Variants in MYO15B observed in about 807,000 individuals in gnomAD.
MYO15B encodes myosin XVB.
In MYO15B, 207 loss-of-function variants were observed where a neutral mutation model predicts 119.3. The observed-to-expected ratio is 1.73, with a 90% CI of 1.55 to 1.95. MYO15B has a LOEUF of 1.95. Ranked by LOEUF, MYO15B falls within the 30% of genes most tolerant of loss-of-function variation. The pLI, the probability that MYO15B is intolerant of heterozygous loss-of-function variation, is 0.00. For synonymous variants in MYO15B, 966 were observed against 498.9 expected (o/e 1.94, Z -12.48); for missense variants, 2,264 against 1,203.1 (o/e 1.88, Z -13.04).
At chr17:75,592,292 G>C in exon 7 of MYO15B, 1 of 702,896 alleles carries the variant, frequency 1.4e-6, no homozygotes, top group Non-Finnish European at 2.6e-6. Flanking sequence ...CCTCCAGGGT[G>C]GTGTTTCAGG....
chr17:75,607,083 A>G, intron 21 of MYO15B: 1 of 397,262 alleles, frequency 2.5e-6, no homozygotes, highest in Non-Finnish European at 4.4e-6. Context: ...GCAGCCAGTG[A>G]TCTTCCCAGA....
At chr17:75,596,970 G>C (rs1451854392) in intron 14 of MYO15B, 71 bp downstream of exon 14, 2 of 629,362 alleles carry the variant, frequency 3.2e-6, no homozygotes, top group Non-Finnish European at 5.7e-6. Flanking sequence ...CCAGGCTGTA[G>C]CTGGCAGAGC....
chr17:75,625,285 G>A (rs1451254263), intron 60 of MYO15B, 47 bp downstream of exon 60: 6 of 665,320 alleles, frequency 9.0e-6, no homozygotes, highest in Middle Eastern at 2.4e-4. Context: ...CTTCTCTAAG[G>A]TCAAGGCCAT....
At chr17:75,616,097 C>T (rs757174852) in exon 37 of MYO15B, 10 of 574,710 alleles carry the variant, frequency 1.7e-5, no homozygotes, top group South Asian at 4.5e-5. Context: ...GAAGACAGGC[C>T]CTATCAGCCC....
intron 53 of MYO15B, among the ~76,000 whole-genome samples, chr17:75,623,448 A>G (rs1314063584): frequency 6.6e-6 from 1 of 151,948 alleles, no homozygotes; most frequent in Admixed American, 6.6e-5. Flanking sequence ...TGGCCAACGT[A>G]GTGAAACCCC....
At chr17:75,617,915 G>C in exon 42 of MYO15B, 1 of 702,794 alleles carries the variant, frequency 1.4e-6, no homozygotes. Context: ...TTGTTCCTAC[G>C]CAAGGAGGTG....
At chr17:75,611,217 A>C (rs975226236) in intron 23 of MYO15B, among the ~76,000 whole-genome samples, 33 of 152,038 alleles carry the variant, frequency 2.2e-4, no homozygotes, top group Admixed American at 2.0e-4. Flanking sequence ...TAATCCCAGC[A>C]CTTTGAGGTC....
intron 9 of MYO15B, 71 bp from the exon 10 acceptor site, chr17:75,594,404 C>T (rs537149086): frequency 9.9e-5 from 56 of 568,154 alleles, no homozygotes; most frequent in African/African-American, 8.4e-4. Flanking sequence ...AGGCAAAGCC[C>T]GGCCTGCCCT....
chr17:75,605,365 A>T, intron 19 of MYO15B, 139 bp from the exon 20 acceptor site: 1 of 591,360 alleles, frequency 1.7e-6, no homozygotes, highest in Non-Finnish European at 3.0e-6. Context: ...TGAACCCGGG[A>T]GGCGGAGCTT....
At chr17:75,617,745 C>T (rs890859938) in intron 41 of MYO15B, 65 bp from the exon 42 acceptor site, 17 of 657,396 alleles carry the variant, frequency 2.6e-5, no homozygotes, top group Middle Eastern at 2.4e-4. Context: ...TCTTCCCTCC[C>T]GTGCCCCCAT....
At position 75,589,067 on chromosome 17, in the gene MYO15B, TC is replaced by T. The variant is rs1013673327; in HGVS notation, c.1012del (p.Leu338TrpfsTer31). 2.5e-6 allele frequency: 1 copy of T among 395,292 alleles called. No homozygotes were observed. The highest frequency in any genetic ancestry group is 2.1e-5 in the African/African-American group (1 of 48,364). 24.5% of individuals were successfully genotyped at this position (395,292 alleles called of 1,614,324 possible). A position where few individuals can be genotyped will look rare whatever the true frequency, so the allele number is the denominator to read the frequency against. On this transcript the variant is annotated frameshift_variant, in exon 1 of 64. Coordinates refer to ENST00000645453, the Ensembl canonical transcript of MYO15B. LOFTEE classifies it high-confidence loss of function. The surrounding 1 kb of genome is among the most constrained non-coding windows in gnomAD (Gnocchi z 4.2). Reference sequence around the variant, plus strand: ...GAGGACCCAGCCCCGCTGGCGGCCCTCCTGGTGGTCCGCAGGCTCCTCGCGA... The same window carrying T: ...GAGGACCCAGCCCCGCTGGCGGCCCTCTGGTGGTCCGCAGGCTCCTCGCGA...
At chr17:75,617,566 T>A (rs781473687) in intron 41 of MYO15B, 1 of 342,402 alleles carries the variant, frequency 2.9e-6, no homozygotes, top group East Asian at 3.5e-5. Flanking sequence ...GACAGCTCTG[T>A]GAGGAAGTTA....
At chr17:75,614,920 C>T (rs1429037601) in intron 32 of MYO15B, 41 bp from the exon 33 acceptor site, 1 of 702,978 alleles carries the variant, frequency 1.4e-6, no homozygotes, top group Non-Finnish European at 2.6e-6. Flanking sequence ...TTCCATTTTT[C>T]TCAGGGCTCT....
chr17:75,614,500 C>A, intron 30 of MYO15B, 83 bp from the exon 31 acceptor site: 1 of 676,302 alleles, frequency 1.5e-6, no homozygotes, highest in Non-Finnish European at 2.7e-6. Flanking sequence ...TGGGGTGACC[C>A]CCGCAGCAGC....
chr17:75,620,098 G>C (rs878986354), intron 47 of MYO15B, 78 bp downstream of exon 47: 3 of 672,746 alleles, frequency 4.5e-6, no homozygotes, highest in East Asian at 5.4e-5. Flanking sequence ...TCTTCCCTGT[G>C]GGGGCAGGGG....
In MYO15B at chr17:75,596,547, CAGG is replaced by C. The variant is rs546949301; in HGVS notation, c.3392_3393+1del. On this transcript the variant is annotated inframe_deletion, in exon 13 of 64. Coordinates refer to ENST00000645453, the Ensembl canonical transcript of MYO15B. The stretch of plus-strand genomic sequence containing the variant: ...CTTCTCCAGCCAGATGCTGCTGGCC[CAGG>C]AGGAGGTAAGAGGATTGGGCGTGGA... 4.2e-4 allele frequency: 296 copies of C among 703,062 alleles called. 3 individuals carry two copies. The African/African-American group carries it at 4.8e-3, about 11-fold the overall frequency. The allele number at this position is 703,062 out of a possible 1,614,324, so 43.6% of individuals were successfully genotyped here.
At chr17:75,626,385 T>C (rs1410084053) in intron 63 of MYO15B, 22 bp from the exon 64 acceptor site, 1 of 702,952 alleles carries the variant, frequency 1.4e-6, no homozygotes, top group Non-Finnish European at 2.6e-6. Context: ...AGCCCTCTTG[T>C]AACAGGCCTT....
At chr17:75,599,148 G>A (rs944755479) in intron 14 of MYO15B, among the ~76,000 whole-genome samples, 1 of 152,010 alleles carries the variant, frequency 6.6e-6, no homozygotes, top group African/African-American at 2.4e-5. Context: ...TCCTCCCACC[G>A]TTGCCTCTCA....
chr17:75,618,787 C>T (rs371426681), intron 43 of MYO15B, among the ~76,000 whole-genome samples: 19 of 152,262 alleles, frequency 1.2e-4, no homozygotes, highest in Admixed American at 3.3e-4. Context: ...CACCTCTGAA[C>T]GCTCCCAGGA....
Sources: allele counts gnomAD v4.1 joint callset (sites outside exome capture counted in the v4.1 genomes callset), GRCh38; gene constraint gnomAD v4.1.1; non-coding constraint Gnocchi (gnomAD v3.1); transcripts MANE v1.5; gene names NCBI Gene and HGNC (gene_info 2026-07-23, HGNC 2026-07-21).